The following CEP126 variants were observed in gnomAD, a reference collection of about 807,000 sequenced individuals.
CEP126 encodes centrosomal protein of 126 kDa.
In CEP126, 74 loss-of-function variants were observed where a neutral mutation model predicts 107.8. The observed-to-expected ratio is 0.69, with a 90% CI of 0.57 to 0.83. The LOEUF is 0.83. Among genes scored for constraint, CEP126 ranks in the 40% least tolerant of loss-of-function variants. CEP126 has a pLI of 0.00. For missense variants in CEP126, 1,237 were observed against 1,281.9 expected, an observed-to-expected ratio of 0.96 and a Z score of 0.53; for synonymous variants, 449 against 446.0, an observed-to-expected ratio of 1.01 and a Z score of -0.08.
At chr11:101,933,822 C>A (rs1050849522) in intron 2 of CEP126, among the ~76,000 whole-genome samples, 4 of 149,494 alleles carry the variant, frequency 2.7e-5, no homozygotes, top group Non-Finnish European at 1.5e-5. Context: ...AGACCCCCCC[C>A]CCACCAAAAC....
At chr11:101,982,562 C>T (rs903815377) in intron 8 of CEP126, among the ~76,000 whole-genome samples, 8 of 151,872 alleles carry the variant, frequency 5.3e-5, no homozygotes, top group African/African-American at 1.7e-4. Flanking sequence ...TATTAGAGTT[C>T]GAAATTTTCT....
chr11:101,993,250 C>T (rs544882410), intron 10 of CEP126, among the ~76,000 whole-genome samples: 3 of 152,240 alleles, frequency 2.0e-5, no homozygotes, highest in Non-Finnish European at 4.4e-5. Flanking sequence ...CTGTTGTTCC[C>T]GTCTTTGTGT....
intron 7 of CEP126, among the ~76,000 whole-genome samples, chr11:101,981,456 G>T (rs1182538982): frequency 6.6e-6 from 1 of 152,000 alleles, no homozygotes; most frequent in Non-Finnish European, 1.5e-5. Flanking sequence ...ACAACTCCTG[G>T]CTAATTTTTT....
chr11:101,944,365 A>C lies in CEP126; in HGVS notation c.349A>C (p.Lys117Gln). ...RKQKFEEVTE[K>Q]FQRAHVPLSQ... ...ACAGAAGTTTGAAGAAGTTACTGAA[A>C]AATTCCAGCGTGCCCATGTTCCTCT... Residue 117 changes from lysine to glutamine, a missense_variant, in exon 3 of 11, where the codon AAA becomes CAA. By Grantham distance (53) the Lys-to-Gln change is moderately conservative. This residue lies in a region of CEP126 where 1,134 missense variants were observed against 1,150.5 expected (regional missense o/e 0.99). Transcript: ENST00000263468. 1 of 1,612,324 alleles carries C rather than the reference A, an allele frequency of 6.2e-7. No individual in the cohort carries two copies.
chr11:101,925,546 G>A (rs1451106382), intron 2 of CEP126, among the ~76,000 whole-genome samples: 2 of 149,836 alleles, frequency 1.3e-5, no homozygotes, highest in African/African-American at 2.5e-5. Context: ...TGAGGTGGGT[G>A]GATCACGAGG....
At chr11:101,934,429 C>T (rs1465980356) in intron 2 of CEP126, among the ~76,000 whole-genome samples, 1 of 151,966 alleles carries the variant, frequency 6.6e-6, no homozygotes. Flanking sequence ...CCTATTTTTC[C>T]ATGCCACTTC....
intron 2 of CEP126, among the ~76,000 whole-genome samples, chr11:101,928,627 C>T (rs1591270013): frequency 6.6e-6 from 1 of 152,134 alleles, no homozygotes; most frequent in African/African-American, 2.4e-5. Context: ...CCAGTTGGTC[C>T]AGCATTATTT....
intron 4 of CEP126, among the ~76,000 whole-genome samples, chr11:101,957,640 G>A (rs535966852): frequency 2.7e-5 from 4 of 145,962 alleles, no homozygotes; most frequent in Non-Finnish European, 4.5e-5. Context: ...CATTGAGGAC[G>A]ATCCAAGTTC....
intron 4 of CEP126, among the ~76,000 whole-genome samples, chr11:101,955,579 A>G (rs1433004310): frequency 6.6e-6 from 1 of 152,224 alleles, no homozygotes; most frequent in Non-Finnish European, 1.5e-5. Flanking sequence ...TCTAAGAGCA[A>G]GAAATAAGAA....
intron 8 of CEP126, among the ~76,000 whole-genome samples, chr11:101,985,988 A>ATTT (rs773628925): frequency 0.047 from 5,933 of 126,012 alleles, 354 homozygotes; most frequent in East Asian, 0.18. Context: ...CTCTGAATTG[A>ATTT]TTTCTTTTTT....
chr11:101,916,077 T>A (rs1243823057), intron 1 of CEP126: 1 of 152,260 alleles, frequency 6.6e-6, no homozygotes, highest in East Asian at 1.9e-4. Context: ...TATTTTGTTA[T>A]CAAAATCTGT....
In CEP126 at chr11:101,919,719, A is replaced by G. The variant is rs114925998; in HGVS notation, c.129-2922A>G. On this transcript the variant is annotated intron_variant, in intron 1 of 10. Transcript: ENST00000263468. ...ATCATTTGGTTAAATTGAAGACTAT[A>G]TAGTTGTCAGAACATTACAAACATT... is the stretch of plus-strand genomic sequence containing the variant. Among the ~76,000 whole-genome samples the G allele has an allele frequency of 7.3e-3, 1,118 of 152,332 alleles. 20 individuals carry two copies. The highest frequency in any genetic ancestry group is 0.026 in the African/African-American group (1,063 of 41,578).
Position 101,962,366 on chromosome 11 carries a change from A to C in CEP126, c.1331A>C (p.Asn444Thr), listed in dbSNP as rs376535774. The C allele has an allele frequency of 8.7e-6, 14 of 1,613,694 alleles. No homozygotes were observed. The highest frequency in any genetic ancestry group is 1.3e-5 in the African/African-American group (1 of 74,930). Residue 444 changes from asparagine (N) to threonine (T), a missense_variant, in exon 6 of 11, where the codon AAT becomes ACT. Coordinates refer to ENST00000263468, the MANE Select transcript of CEP126 (RefSeq NM_020802.4). Reference protein sequence around the residue: ...FPDQEKYSELNQENGTTSIPT... With the variant: ...FPDQEKYSELTQENGTTSIPT... ...GACCAAGAGAAATATTCTGAATTAA[A>C]TCAAGAAAATGGAACTACTTCAATT...
chr11:101,956,024 T>C (rs1407460798), intron 4 of CEP126: 1 of 456,554 alleles, frequency 2.2e-6, no homozygotes, highest in South Asian at 1.5e-5. Flanking sequence ...ATATCATCCT[T>C]GTCCTCCAAC....
chr11:101,963,169 A>T lies in CEP126; in HGVS notation c.2134A>T (p.Asn712Tyr). The stretch of plus-strand genomic sequence containing the variant: ...ATCTGGAGCAGACCATATGCCTTTG[A>T]ACTGTTTTATACCTTCAGGTTATAA... ...GGSGADHMPL[N>Y]CFIPSGYNFA... Residue 712 changes from asparagine (N) to tyrosine (Y), a missense_variant, in exon 6 of 11, where the codon AAC becomes TAC. By Grantham distance (143) the Asn-to-Tyr change is moderately radical. Around this residue, in one of 3 missense-constraint regions of CEP126, gnomAD observed 1,134 missense variants for 1,150.5 expected, o/e 0.99. Coordinates refer to ENST00000263468, the MANE Select transcript of CEP126 (RefSeq NM_020802.4). 1 of 1,614,082 alleles carries T rather than the reference A, an allele frequency of 6.2e-7. No homozygotes were observed. The highest frequency in any genetic ancestry group is 8.5e-7 in the Non-Finnish European group (1 of 1,180,018).
At chr11:101,919,576 T>A (rs1940290284) in intron 1 of CEP126, among the ~76,000 whole-genome samples, 1 of 152,176 alleles carries the variant, frequency 6.6e-6, no homozygotes, top group Non-Finnish European at 1.5e-5. Context: ...CTAATTTTTT[T>A]AAACTTGAAT....
intron 2 of CEP126, among the ~76,000 whole-genome samples, chr11:101,938,015 T>C (rs928394966): frequency 2.0e-5 from 3 of 150,888 alleles, no homozygotes; most frequent in East Asian, 3.9e-4. Context: ...TAGCCGGGCG[T>C]GGTGGCGGAC....
intron 1 of CEP126, among the ~76,000 whole-genome samples, chr11:101,921,965 C>G (rs1213234994): frequency 2.7e-5 from 4 of 149,768 alleles, no homozygotes; most frequent in East Asian, 2.0e-4. Flanking sequence ...TTTGTGTTTT[C>G]AGTAGAGACA....
intron 9 of CEP126, among the ~76,000 whole-genome samples, chr11:101,990,745 A>T (rs1438862421): frequency 6.6e-6 from 1 of 151,494 alleles, no homozygotes. Context: ...ATAAAGAGAG[A>T]TCCCTTCTAC....
Sources: allele counts gnomAD v4.1 joint callset (sites outside exome capture counted in the v4.1 genomes callset), GRCh38; gene constraint gnomAD v4.1.1; regional missense constraint gnomAD v4.1.1; transcripts MANE v1.5; gene names NCBI Gene and HGNC (gene_info 2026-07-23, HGNC 2026-07-21).